The following RB1 variants were observed in gnomAD, a reference collection of about 807,000 sequenced individuals.
RB1 encodes the protein RB transcriptional corepressor 1.
In RB1, 18 loss-of-function variants were observed where a neutral mutation model predicts 135.4. That is an observed-to-expected ratio of 0.13 (90% confidence interval 0.09 to 0.20). RB1 has a LOEUF of 0.20. Among genes scored for constraint, RB1 ranks in the 10% least tolerant of loss-of-function variants. The probability of loss-of-function intolerance (pLI) is 1.00; values close to 1 mark genes in which losing one functional copy is unlikely to be tolerated. For synonymous variants in RB1, 365 were observed against 373.2 expected, an observed-to-expected ratio of 0.98 and a Z score of 0.25; for missense variants, 868 against 1,110.0, an observed-to-expected ratio of 0.78 and a Z score of 3.10.
At chr13:48,330,859 A>G (rs751887863) in intron 2 of RB1, among the ~76,000 whole-genome samples, 1 of 152,246 alleles carries the variant, frequency 6.6e-6, no homozygotes, top group Non-Finnish European at 1.5e-5. Flanking sequence ...AAAGAAGATT[A>G]TAGGTCAATA....
intron 19 of RB1, among the ~76,000 whole-genome samples, chr13:48,456,613 C>G (rs1450226946): frequency 6.6e-6 from 1 of 152,238 alleles, no homozygotes; most frequent in East Asian, 1.9e-4. Flanking sequence ...ATTTCAGCCC[C>G]TTGGTCTGAC....
chr13:48,467,432 C>T (rs1949454125), intron 23 of RB1, among the ~76,000 whole-genome samples: 3 of 59,624 alleles, frequency 5.0e-5, no homozygotes, highest in East Asian at 7.1e-4. Context: ...AAGGAACAAC[C>T]GGTACCAGCC....
intron 17 of RB1, among the ~76,000 whole-genome samples, chr13:48,393,056 T>A (rs545846726): frequency 3.3e-5 from 5 of 152,212 alleles, no homozygotes; most frequent in Admixed American, 6.5e-5. Context: ...CTCTACTGAA[T>A]ATCCCATATA....
In RB1 at chr13:48,307,373, T is replaced by C. The variant is rs1277146164; in HGVS notation, c.231T>C (p.Thr77=). 2 of 1,613,484 alleles carry C rather than the reference T, an allele frequency of 1.2e-6. No individual in the cohort carries two copies. Among genetic ancestry groups the C allele is most frequent in the African/African-American group, 1.3e-5 (1 of 75,020 alleles). ...PDHVRERAWL[T]WEKVSSVDGV... ...ATGTCAGAGAGAGAGCTTGGTTAACTTGGGAGAAAGTTTCATCTGTGGATG... is the reference window on the plus strand; with the variant it reads ...ATGTCAGAGAGAGAGCTTGGTTAACCTGGGAGAAAGTTTCATCTGTGGATG... The change falls in exon 2 of 27, where the codon ACT becomes ACC. Residue 77 remains threonine, a synonymous_variant. Coordinates refer to ENST00000267163, the MANE Select transcript of RB1 (RefSeq NM_000321.3).
chr13:48,318,109 G>T (rs1049680970), intron 2 of RB1: 2 of 521,464 alleles, frequency 3.8e-6, no homozygotes, highest in East Asian at 7.6e-5. Context: ...CCCCTCACTC[G>T]GAAGGCCGGG....
chr13:48,391,958 G>T (rs1566203078), intron 17 of RB1, among the ~76,000 whole-genome samples: 1 of 152,086 alleles, frequency 6.6e-6, no homozygotes, highest in Non-Finnish European at 1.5e-5. Context: ...TACTAGTGAT[G>T]AATTCTTCCA....
intron 17 of RB1, among the ~76,000 whole-genome samples, chr13:48,421,088 C>CA (rs1254546274): frequency 6.6e-6 from 1 of 152,054 alleles, no homozygotes; most frequent in African/African-American, 2.4e-5. Flanking sequence ...CAATCCTAAG[C>CA]AAAAAGAAGA....
intron 2 of RB1, among the ~76,000 whole-genome samples, chr13:48,336,000 A>G (rs2138074540): frequency 6.6e-6 from 1 of 152,078 alleles, no homozygotes; most frequent in East Asian, 1.9e-4. Flanking sequence ...GAAGAGAATG[A>G]GGATGTGAGG....
At chr13:48,391,093 C>G (rs1344168645) in intron 17 of RB1, among the ~76,000 whole-genome samples, 2 of 151,846 alleles carry the variant, frequency 1.3e-5, no homozygotes, top group East Asian at 3.8e-4. Flanking sequence ...GTTTTATCTT[C>G]TTTGTAGGCT....
intron 17 of RB1, chr13:48,426,490 T>A (rs1321414214): frequency 1.3e-5 from 2 of 152,238 alleles, no homozygotes; most frequent in African/African-American, 2.4e-5. Flanking sequence ...GCTTGGTGGT[T>A]AACACATTGC....
chr13:48,425,738 A>G (rs1160251097), intron 17 of RB1, among the ~76,000 whole-genome samples: 1 of 152,170 alleles, frequency 6.6e-6, no homozygotes, highest in Non-Finnish European at 1.5e-5. Flanking sequence ...TAGCTTCTCT[A>G]TTGTATATTT....
intron 17 of RB1, among the ~76,000 whole-genome samples, chr13:48,401,652 G>T (rs198613): frequency 0.89 from 135,740 of 152,176 alleles, 62,018 homozygotes; most frequent in East Asian, 1. Context: ...ACTTAATTGG[G>T]TCTTCATATT....
Position 48,360,109 on chromosome 13 carries a change from T to G in RB1, c.700T>G (p.Leu234Val), listed in dbSNP as rs1362138725. ...DYFIKLSPPM[L>V]LKEPYKTAVI... is the part of the protein sequence containing the mutation. ...TTTTATTAAACTCTCACCTCCCATG[T>G]TGCTCAAAGAACCATATAGTAAGTA... The change falls in exon 7 of 27, where the codon TTG becomes GTG. Residue 234 changes from leucine to valine, a missense_variant. Physicochemically the swap from Leu to Val is conservative, Grantham distance 32. Around this residue, in one of 3 missense-constraint regions of RB1, gnomAD observed 641 missense variants for 791.3 expected, o/e 0.81. Transcript: ENST00000267163. The G allele has an allele frequency of 1.2e-6, 2 of 1,612,668 alleles. No homozygotes were observed. Among genetic ancestry groups the G allele is most frequent in the East Asian group, 4.5e-5 (2 of 44,738 alleles).
At chr13:48,376,632 G>C (rs1369395510) in intron 12 of RB1, among the ~76,000 whole-genome samples, 3 of 152,094 alleles carry the variant, frequency 2.0e-5, no homozygotes, top group Non-Finnish European at 2.9e-5. Flanking sequence ...AATGTATGAG[G>C]CTCTTTCTGA....
chr13:48,347,693 T>C, intron 4 of RB1, 132 bp from the exon 5 acceptor site: 2 of 621,278 alleles, frequency 3.2e-6, no homozygotes, highest in Middle Eastern at 4.5e-4. Context: ...TTGAACTTTG[T>C]TTTATAATGC....
chr13:48,373,956 T>G (rs937367502), intron 12 of RB1, among the ~76,000 whole-genome samples: 1 of 152,118 alleles, frequency 6.6e-6, no homozygotes, highest in African/African-American at 2.4e-5. Flanking sequence ...AGATAATACA[T>G]TACCTGGATC....
intron 2 of RB1, chr13:48,328,461 G>A (rs4151444): frequency 1.5e-5 from 14 of 926,636 alleles, no homozygotes; most frequent in Non-Finnish European, 2.3e-5. Flanking sequence ...TCAGCTGATC[G>A]CTTCTCAGCG....
intron 17 of RB1, among the ~76,000 whole-genome samples, chr13:48,431,014 A>T (rs965609709): frequency 3.3e-5 from 5 of 152,206 alleles, no homozygotes; most frequent in African/African-American, 1.2e-4. Flanking sequence ...TTGACTAAAT[A>T]ATTTTGTTGC....
chr13:48,348,896 A>G, intron 5 of RB1, 60 bp from the exon 6 acceptor site: 2 of 1,566,794 alleles, frequency 1.3e-6, no homozygotes, highest in Admixed American at 3.6e-5. Flanking sequence ...TATATCTGGA[A>G]AACTTTCTTT....
Sources: allele counts gnomAD v4.1 joint callset (sites outside exome capture counted in the v4.1 genomes callset), GRCh38; gene constraint gnomAD v4.1.1; regional missense constraint gnomAD v4.1.1; transcripts MANE v1.5; gene names NCBI Gene and HGNC (gene_info 2026-07-23, HGNC 2026-07-21).